MRE11: variants seen among roughly 807,000 people sequenced by gnomAD.
The protein encoded by MRE11 is MRE11 double strand break repair nuclease, also known as double-strand break repair protein MRE11.
A neutral mutation model predicts 91.7 loss-of-function variants in MRE11; 62 were observed. That is an observed-to-expected ratio of 0.68 (90% confidence interval 0.55 to 0.84). MRE11 has a LOEUF of 0.84. Among genes scored for constraint, MRE11 ranks in the 40% least tolerant of loss-of-function variants. The pLI, the probability that MRE11 is intolerant of heterozygous loss-of-function variation, is 0.00. For synonymous variants in MRE11, 273 were observed against 271.4 expected (o/e 1.01, Z -0.06); for missense variants, 796 against 852.9 (o/e 0.93, Z 0.83).
intron 10 of MRE11, among the ~76,000 whole-genome samples, chr11:94,465,086 A>G (rs1340730362): frequency 6.6e-6 from 1 of 152,198 alleles, no homozygotes; most frequent in African/African-American, 2.4e-5. Context: ...TATCATCCCT[A>G]TATCCTGCAG....
intron 16 of MRE11, among the ~76,000 whole-genome samples, chr11:94,441,231 T>C (rs562153837): frequency 6.6e-6 from 1 of 152,318 alleles, no homozygotes; most frequent in East Asian, 1.9e-4. Context: ...AAAAAGTCAC[T>C]TTCTTTATAC....
chr11:94,434,674 G>A (rs1342202056), intron 18 of MRE11, among the ~76,000 whole-genome samples: 1 of 152,018 alleles, frequency 6.6e-6, no homozygotes, highest in Non-Finnish European at 1.5e-5. Context: ...TTCCCTCCAT[G>A]AAGCTGCTTC....
chr11:94,440,899 A>G (rs1316398911), intron 16 of MRE11, among the ~76,000 whole-genome samples: 1 of 152,214 alleles, frequency 6.6e-6, no homozygotes, highest in East Asian at 1.9e-4. Context: ...TGGAAGCTCC[A>G]GAGTTGAACT....
At chr11:94,443,098 G>A (rs902318290) in intron 16 of MRE11, among the ~76,000 whole-genome samples, 1 of 152,182 alleles carries the variant, frequency 6.6e-6, no homozygotes, top group Admixed American at 6.5e-5. Flanking sequence ...TTTCTTCAAT[G>A]TCAGCTGTCA....
At chr11:94,458,692 TG>T (rs1946329447) in intron 13 of MRE11, among the ~76,000 whole-genome samples, 2 of 152,152 alleles carry the variant, frequency 1.3e-5, no homozygotes, top group East Asian at 3.9e-4. Context: ...CTACCAGCAG[TG>T]TGCTAGATAC....
intron 10 of MRE11, among the ~76,000 whole-genome samples, chr11:94,466,073 G>C (rs1468272695): frequency 6.6e-6 from 1 of 152,086 alleles, no homozygotes; most frequent in East Asian, 1.9e-4. Context: ...GCTGAAGAAG[G>C]TATAGAGAAA....
the MRE11 span, among the ~76,000 whole-genome samples, chr11:94,501,064 C>A: frequency 6.6e-6 from 1 of 152,118 alleles, no homozygotes; most frequent in Admixed American, 6.6e-5. Flanking sequence ...TGCTCCAGTC[C>A]ATCTGTAGGA....
intron 14 of MRE11, among the ~76,000 whole-genome samples, chr11:94,454,335 A>G (rs1946194119): frequency 6.6e-6 from 1 of 152,084 alleles, no homozygotes; most frequent in South Asian, 2.1e-4. Context: ...CGGCCTCCCA[A>G]AGTGCTGAAA....
chr11:94,453,963 T>C (rs901879828), intron 14 of MRE11, among the ~76,000 whole-genome samples: 1 of 152,050 alleles, frequency 6.6e-6, no homozygotes, highest in African/African-American at 2.4e-5. Context: ...GAATATGTGA[T>C]AGAGACCACA....
rs373002609 is a variant in MRE11 at position 94,419,465 on chromosome 11, G to GGGGAGAGAGAGAGAGAGA, written c.*659_*660insTCTCTCTCTCTCTCTCCC. ...GAAGAGTGGGGAACGGGGGGGAGAG[G>GGGGAGAGAGAGAGAGAGA]GAGAGAGAGAGAGAGAGAGAGAGAG... On this transcript the variant is annotated 3_prime_UTR_variant, in exon 20 of 20. Coordinates refer to ENST00000323929, the MANE Select transcript of MRE11 (RefSeq NM_005591.4). 617 of 216,284 alleles carry GGGGAGAGAGAGAGAGAGA rather than the reference G, an allele frequency of 2.9e-3. 1 individual carries two copies. Among genetic ancestry groups the GGGGAGAGAGAGAGAGAGA allele is most frequent in the Non-Finnish European group, 4.0e-3 (451 of 112,830 alleles). 13.4% of individuals were successfully genotyped at this position (216,284 alleles called of 1,614,324 possible). A position where few individuals can be genotyped will look rare whatever the true frequency, so the allele number is the denominator to read the frequency against.
At chr11:94,481,636 G>C (rs1326628166) in intron 4 of MRE11, among the ~76,000 whole-genome samples, 3 of 152,170 alleles carry the variant, frequency 2.0e-5, no homozygotes, top group Non-Finnish European at 4.4e-5. Flanking sequence ...TCTCCTAGCA[G>C]TTTTACTGAA....
Position 94,416,570 on chromosome 11 carries a change from G to A in MRE11, c.*3555C>T, listed in dbSNP as rs1945034445. 6.6e-6 allele frequency: 1 copy of A among 151,896 alleles called. No homozygotes were observed. Among genetic ancestry groups the A allele is most frequent in the South Asian group, 2.1e-4 (1 of 4,822 alleles). 9.4% of individuals were successfully genotyped at this position (151,896 alleles called of 1,614,324 possible). On this transcript the variant is annotated 3_prime_UTR_variant, in exon 20 of 20. Coordinates refer to ENST00000323929, the MANE Select transcript of MRE11 (RefSeq NM_005591.4). ...TTTAAAAAAACACAAAATAGGCTGG[G>A]CGTGGTGGCTCAGGCCTGTAATCCC...
chr11:94,506,585 C>CTTT, the MRE11 span, among the ~76,000 whole-genome samples: 2 of 147,232 alleles, frequency 1.4e-5, no homozygotes, highest in African/African-American at 2.5e-5. Flanking sequence ...ACAGTAATTG[C>CTTT]TTTTTTTGTT....
chr11:94,471,376 C>T lies in MRE11; in HGVS notation c.845+198G>A, dbSNP rs1032683951. The stretch of plus-strand genomic sequence containing the variant: ...GCAGCAAAATAACACCAATTGGATG[C>T]TCTCTTTTTGAAAATGGCTTAAAAT... On this transcript the variant is annotated intron_variant, in intron 8 of 19. Transcript: ENST00000323929. Among the ~76,000 whole-genome samples, 9 of 151,966 alleles carry T rather than the reference C, an allele frequency of 5.9e-5. No individual in the cohort carries two copies. The East Asian group carries it at 1.2e-3, about 20-fold the overall frequency.
chr11:94,455,947 T>A (rs1221592411), intron 14 of MRE11, among the ~76,000 whole-genome samples: 1 of 152,102 alleles, frequency 6.6e-6, no homozygotes, highest in Non-Finnish European at 1.5e-5. Context: ...CAGGCTAGAG[T>A]GTGGTGGTGC....
chr11:94,491,753 A>G lies in MRE11; in HGVS notation c.21-788T>C, dbSNP rs554313034. Among the ~76,000 whole-genome samples the G allele has an allele frequency of 3.3e-5, 5 of 152,344 alleles. No individual in the cohort carries two copies. The South Asian group carries it at 1.0e-3, about 32-fold the overall frequency. ...CTCAGGCTATTTTCAATAAACCACA[A>G]TGAATTTTTAAAAAATCTCTGTATA... On this transcript the variant is annotated intron_variant, in intron 2 of 19. Coordinates refer to ENST00000323929, the MANE Select transcript of MRE11 (RefSeq NM_005591.4).
In MRE11 at chr11:94,456,294, T is replaced by C. The variant is rs886048759; in HGVS notation, c.1545A>G (p.Glu515=). Reference sequence around the variant, plus strand: ...TAATTACCTCACGGACTTCATCATCTTCTTCATTAGTATTTTTTTGTCTGG... The same window carrying C: ...TAATTACCTCACGGACTTCATCATCCTCTTCATTAGTATTTTTTTGTCTGG... The part of the protein sequence containing the change: ...RETRQKNTNE[E]DDEVREAMTR... Residue 515 remains glutamate, a synonymous_variant, in exon 14 of 20, where the codon GAA becomes GAG. Coordinates refer to ENST00000323929, the MANE Select transcript of MRE11 (RefSeq NM_005591.4). 6 of 1,613,674 alleles carry C rather than the reference T, an allele frequency of 3.7e-6. No homozygotes were observed. The highest frequency in any genetic ancestry group is 4.2e-6 in the Non-Finnish European group (5 of 1,179,842).
At chr11:94,506,585 C>CTTTTTTTTTT in the MRE11 span, among the ~76,000 whole-genome samples, 1 of 147,234 alleles carries the variant, frequency 6.8e-6, no homozygotes, top group African/African-American at 2.5e-5. Context: ...ACAGTAATTG[C>CTTTTTTTTTT]TTTTTTTGTT....
At chr11:94,503,951 T>A in the MRE11 span, among the ~76,000 whole-genome samples, 1 of 151,278 alleles carries the variant, frequency 6.6e-6, no homozygotes, top group South Asian at 2.1e-4. Context: ...CAGATATAGA[T>A]AATTAATTTT....
Sources: gnomAD v4.1 joint callset for allele counts (sites outside exome capture counted in the v4.1 genomes callset) on GRCh38, gnomAD v4.1.1 for gene constraint, MANE v1.5 for transcripts, NCBI Gene and HGNC (gene_info 2026-07-23, HGNC 2026-07-21) for gene names.